FABP12: variants seen among roughly 807,000 people sequenced by gnomAD.
FABP12 encodes the protein fatty acid-binding protein 12.
In FABP12, 19 loss-of-function variants were observed where a neutral mutation model predicts 13.7. The ratio of observed to expected loss-of-function variants is 1.39; its 90% CI spans 0.97 to 2.04. The LOEUF (loss-of-function observed/expected upper bound fraction) is 2.04, where lower values mean the gene tolerates loss of function less well. Ranked by LOEUF, FABP12 falls within the 30% of genes most tolerant of loss-of-function variation. The pLI is 0.00. For missense variants in FABP12, 182 were observed against 164.2 expected, an observed-to-expected ratio of 1.11 and a Z score of -0.59; for synonymous variants, 61 against 57.0, an observed-to-expected ratio of 1.07 and a Z score of -0.32.
At chr8:81,565,608 A>T (rs543072307) in intron 1 of FABP12, among the ~76,000 whole-genome samples, 101 of 151,520 alleles carry the variant, frequency 6.7e-4, no homozygotes, top group African/African-American at 2.2e-3. Flanking sequence ...GAAAAAAATT[A>T]AAAAATGTCT....
At chr8:81,548,213 G>C (rs1809467472) in intron 1 of FABP12, among the ~76,000 whole-genome samples, 1 of 152,028 alleles carries the variant, frequency 6.6e-6, no homozygotes, top group African/African-American at 2.4e-5. Flanking sequence ...CTGAGCATAG[G>C]GATTTTCAAA....
intron 1 of FABP12, among the ~76,000 whole-genome samples, chr8:81,589,393 C>G (rs147101034): frequency 2.0e-5 from 3 of 152,114 alleles, no homozygotes; most frequent in African/African-American, 7.2e-5. Context: ...CTAGTATCTA[C>G]AAAAAATAAA....
chr8:81,560,809 G>A (rs960220789), intron 1 of FABP12, among the ~76,000 whole-genome samples: 1 of 152,076 alleles, frequency 6.6e-6, no homozygotes, highest in Non-Finnish European at 1.5e-5. Context: ...AGCTAAGCAA[G>A]GACGCTGTGA....
At chr8:81,529,348 G>C in intron 3 of FABP12, 90 bp downstream of exon 3, 1 of 1,279,630 alleles carries the variant, frequency 7.8e-7, no homozygotes, top group South Asian at 1.2e-5. Context: ...AAGGACTTTA[G>C]ATATGTTTGC....
chr8:81,587,721 T>C (rs1206191527), intron 1 of FABP12, among the ~76,000 whole-genome samples: 1 of 152,082 alleles, frequency 6.6e-6, no homozygotes, highest in South Asian at 2.1e-4. Flanking sequence ...GTTTATCAGA[T>C]CTAGGAGCCT....
At chr8:81,526,222 A>G (rs1268238799) in intron 4 of FABP12, 1 of 152,236 alleles carries the variant, frequency 6.6e-6, no homozygotes, top group African/African-American at 2.4e-5. Flanking sequence ...ATATTCCCTT[A>G]GAACTATTTT....
At chr8:81,537,468 G>A (rs1408910240), upstream of FABP12, among the ~76,000 whole-genome samples, 1 of 151,756 alleles carries the variant, frequency 6.6e-6, no homozygotes, top group African/African-American at 2.4e-5. Flanking sequence ...CGGTTCTAAT[G>A]CACTTGGATT....
intron 1 of FABP12, among the ~76,000 whole-genome samples, chr8:81,577,624 G>T (rs902549338): frequency 6.6e-6 from 1 of 152,116 alleles, no homozygotes; most frequent in African/African-American, 2.4e-5. Flanking sequence ...AGCTGGGCAT[G>T]GTGGCACAGG....
chr8:81,578,857 C>T (rs1459488805), intron 1 of FABP12, among the ~76,000 whole-genome samples: 1 of 104,484 alleles, frequency 9.6e-6, no homozygotes, highest in Non-Finnish European at 1.8e-5. Context: ...AGGAGTCTCG[C>T]TCTGTCACCC....
At chr8:81,538,873 G>A (rs1192812501), upstream of FABP12, among the ~76,000 whole-genome samples, 1 of 151,846 alleles carries the variant, frequency 6.6e-6, no homozygotes, top group Non-Finnish European at 1.5e-5. Context: ...TTTTTGAGAT[G>A]GAGTCTCACT....
At chr8:81,585,991 T>C (rs765452343) in intron 1 of FABP12, among the ~76,000 whole-genome samples, 51 of 152,288 alleles carry the variant, frequency 3.3e-4, no homozygotes, top group Middle Eastern at 3.4e-3. Flanking sequence ...CTCATCCTCC[T>C]CCCACCCTCC....
At chr8:81,587,820 G>C (rs114211653) in intron 1 of FABP12, among the ~76,000 whole-genome samples, 2,911 of 152,134 alleles carry the variant, frequency 0.019, 66 homozygotes, top group African/African-American at 0.056. Flanking sequence ...TGTTGACTCA[G>C]GCAATCACAA....
At chr8:81,527,057 G>A (rs1184600563) in exon 4 of FABP12, 1 of 1,611,826 alleles carries the variant, frequency 6.2e-7, no homozygotes. Flanking sequence ...TCTCGTTATG[G>A]TGGTTTCTTT....
intron 1 of FABP12, among the ~76,000 whole-genome samples, chr8:81,542,213 C>T (rs569400173): frequency 6.6e-6 from 1 of 152,180 alleles, no homozygotes; most frequent in Non-Finnish European, 1.5e-5. Context: ...GGAAAGGGAA[C>T]GAAGTGAAAT....
intron 1 of FABP12, among the ~76,000 whole-genome samples, chr8:81,575,217 C>T (rs1810016975): frequency 6.6e-6 from 1 of 152,144 alleles, no homozygotes; most frequent in African/African-American, 2.4e-5. Context: ...CAACCCCATG[C>T]TCATTCAAGA....
At chr8:81,529,328 AG>A in intron 3 of FABP12, 109 bp downstream of exon 3, 3 of 1,072,212 alleles carry the variant, frequency 2.8e-6, no homozygotes, top group Non-Finnish European at 4.3e-6. Flanking sequence ...TTTAGACAAA[AG>A]TTCCTCTTAA....
At chr8:81,581,717 C>T (rs1461065340) in intron 1 of FABP12, among the ~76,000 whole-genome samples, 1 of 152,162 alleles carries the variant, frequency 6.6e-6, no homozygotes, top group Non-Finnish European at 1.5e-5. Context: ...AGATTCCATA[C>T]CCAGCAAAGT....
chr8:81,527,257 T>G, intron 3 of FABP12, 136 bp from the exon 4 acceptor site: 1 of 489,212 alleles, frequency 2.0e-6, no homozygotes, highest in Non-Finnish European at 3.6e-6. Context: ...TCTATTTATT[T>G]TAAGACTTTG....
intron 1 of FABP12, among the ~76,000 whole-genome samples, chr8:81,552,118 G>C (rs1809532015): frequency 1.3e-5 from 2 of 152,150 alleles, no homozygotes; most frequent in Non-Finnish European, 2.9e-5. Context: ...CACAGGAGCA[G>C]CTCACCAATC....
Sources: gnomAD v4.1 joint callset for allele counts (sites outside exome capture counted in the v4.1 genomes callset) on GRCh38, gnomAD v4.1.1 for gene constraint, MANE v1.5 for transcripts, NCBI Gene and HGNC (gene_info 2026-07-23, HGNC 2026-07-21) for gene names.